Variants in NUP54 observed in about 807,000 individuals in gnomAD.
NUP54 encodes the protein nucleoporin p54.
A neutral mutation model predicts 66.4 loss-of-function variants in NUP54; 27 were observed. That is an observed-to-expected ratio of 0.41 (90% CI 0.30 to 0.56). The LOEUF is 0.56. NUP54 is among the 20% of genes least tolerant of loss of function. The pLI is 0.34. For synonymous variants in NUP54, 206 were observed against 210.7 expected (o/e 0.98, Z 0.19); for missense variants, 486 against 596.3 (o/e 0.82, Z 1.93).
Position 76,125,627 on chromosome 4 carries a change from A to G in NUP54, c.1057-871T>C, listed in dbSNP as rs1453043986. Among the ~76,000 whole-genome samples, 4 of 20,076 alleles carry G rather than the reference A, an allele frequency of 2.0e-4. No homozygotes were observed. The East Asian group carries it at 0.024, about 122-fold the overall frequency. The allele number at this position is 20,076 out of a possible 152,430, so 13.2% of individuals were successfully genotyped here. On this transcript the variant is annotated intron_variant, in intron 8 of 11. Coordinates refer to ENST00000264883, the MANE Select transcript of NUP54 (RefSeq NM_017426.4). The stretch of plus-strand genomic sequence containing the variant: ...TCCAGCATGGGCAAGAGGGAGAGGG[A>G]GAGGGGGAGAGGGGGAGAGGGGGAG...
At chr4:76,132,096 C>T (rs2109884473) in intron 6 of NUP54, among the ~76,000 whole-genome samples, 1 of 151,940 alleles carries the variant, frequency 6.6e-6, no homozygotes, top group Admixed American at 6.6e-5. Context: ...CATAAATTGA[C>T]AGTAGTTACT....
chr4:76,132,641 G>A lies in NUP54; in HGVS notation c.789C>T (p.Ala263=). Residue 263 remains alanine (A), a synonymous_variant, in exon 6 of 12, where the codon GCC becomes GCT. Transcript: ENST00000264883. The part of the protein sequence containing the change: ...SRRVPATTLY[A]HFEQANIKTQ... ...TTTTTATATTGGCTTGTTCAAAATG[G>A]GCATATAGCGTTGTAGCTGGAACTC... 1 of 1,613,930 alleles carries A rather than the reference G, an allele frequency of 6.2e-7. No homozygotes were observed. The highest frequency in any genetic ancestry group is 8.5e-7 in the Non-Finnish European group (1 of 1,179,922).
chr4:76,118,024 TGCAGA>T, intron 10 of NUP54, 46 bp downstream of exon 10: 1 of 1,586,128 alleles, frequency 6.3e-7, no homozygotes, highest in Admixed American at 1.7e-5. Context: ...ACTTTTTGTC[TGCAGA>T]TCCACCTGAA....
At chr4:76,124,019 T>C (rs1730352873) in intron 9 of NUP54, among the ~76,000 whole-genome samples, 1 of 152,164 alleles carries the variant, frequency 6.6e-6, no homozygotes, top group African/African-American at 2.4e-5. Context: ...ACATTTATCT[T>C]TCTTTCTTTT....
intron 4 of NUP54, among the ~76,000 whole-genome samples, chr4:76,135,918 GCAAAC>G (rs1263771372): frequency 7.9e-5 from 12 of 152,124 alleles, no homozygotes; most frequent in Admixed American, 7.2e-4. Context: ...CAGGTGCCAG[GCAAAC>G]CATTCTCCTG....
intron 9 of NUP54, among the ~76,000 whole-genome samples, chr4:76,124,156 G>A (rs1325835548): frequency 6.6e-6 from 1 of 151,930 alleles, no homozygotes; most frequent in Non-Finnish European, 1.5e-5. Context: ...TCTGAGTACA[G>A]ATTTTGCTGT....
chr4:76,127,617 C>A (rs1039505191), intron 8 of NUP54, among the ~76,000 whole-genome samples: 9 of 151,528 alleles, frequency 5.9e-5, no homozygotes, highest in Non-Finnish European at 1.3e-4. Flanking sequence ...ATTATTTAAG[C>A]AAATTCCCAA....
At chr4:76,137,437 T>A (rs1228679677) in intron 3 of NUP54, among the ~76,000 whole-genome samples, 1 of 152,226 alleles carries the variant, frequency 6.6e-6, no homozygotes, top group East Asian at 1.9e-4. Context: ...TAGGATTTTT[T>A]AAAATAACCT....
At chr4:76,143,181 T>C (rs1731338308) in intron 3 of NUP54, among the ~76,000 whole-genome samples, 1 of 152,080 alleles carries the variant, frequency 6.6e-6, no homozygotes, top group Non-Finnish European at 1.5e-5. Flanking sequence ...ACGCCCCAGA[T>C]CTAACCCAAT....
intron 3 of NUP54, among the ~76,000 whole-genome samples, chr4:76,141,776 T>A (rs1560691652): frequency 6.6e-6 from 1 of 152,204 alleles, no homozygotes; most frequent in Non-Finnish European, 1.5e-5. Flanking sequence ...CTACAACAGT[T>A]TAGAATTGCT....
Position 76,148,347 on chromosome 4 carries a change from C to A in NUP54, c.28G>T (p.Gly10Cys). Residue 10 changes from glycine (G) to cysteine (C), a missense_variant, in exon 1 of 12, where the codon GGC becomes TGC. Physicochemically the swap from Gly to Cys is radical, Grantham distance 159. Around this residue, in one of 4 missense-constraint regions of NUP54, gnomAD observed 145 missense variants for 137.1 expected, o/e 1.06. Coordinates refer to ENST00000264883, the MANE Select transcript of NUP54 (RefSeq NM_017426.4). ...GTGGCTGCAGCGGTACCGGAGGTGC[C>A]CGAGGGAGCCCCAAAATTGAAGGCC... MAFNFGAPS[G>C]TSGTAAATAA... 6.5e-7 allele frequency: 1 copy of A among 1,547,376 alleles called. No individual in the cohort carries two copies. Among genetic ancestry groups the A allele is most frequent in the Non-Finnish European group, 8.7e-7 (1 of 1,146,890 alleles).
intron 9 of NUP54, chr4:76,118,422 G>T: frequency 2.2e-6 from 1 of 452,882 alleles, no homozygotes; most frequent in South Asian, 2.2e-5. Context: ...GTCTTGCTCT[G>T]TCTCCCAGGC....
At chr4:76,121,840 C>T (rs939669843) in intron 9 of NUP54, among the ~76,000 whole-genome samples, 3 of 152,154 alleles carry the variant, frequency 2.0e-5, no homozygotes, top group Non-Finnish European at 2.9e-5. Context: ...ACTTTTATAT[C>T]TAGCCAGCTT....
rs775109047 is a variant in NUP54 at position 76,129,966 on chromosome 4, G to GTTTTT, written c.1056+685_1056+689dup. 6.2e-3 allele frequency among the ~76,000 whole-genome samples: 351 copies of GTTTTT among 56,876 alleles called. 74 individuals are homozygous for GTTTTT. The highest frequency in any genetic ancestry group is 8.6e-3 in the Non-Finnish European group (284 of 33,178). The allele number at this position is 56,876 out of a possible 152,430, so 37.3% of individuals were successfully genotyped here. A position where few individuals can be genotyped will look rare whatever the true frequency, so the allele number is the denominator to read the frequency against. ...AATCTTTAAGTATTTAATTATGAAA[G>GTTTTT]TTTTTTTTTTTTTTTTTTTTTTTTT... On this transcript the variant is annotated intron_variant, in intron 8 of 11. Coordinates refer to ENST00000264883, the MANE Select transcript of NUP54 (RefSeq NM_017426.4).
chr4:76,132,757 CAA>C, intron 5 of NUP54, 38 bp from the exon 6 acceptor site: 1 of 1,500,662 alleles, frequency 6.7e-7, no homozygotes, highest in East Asian at 2.3e-5. Flanking sequence ...ATATGGAGCA[CAA>C]AACTCATAGC....
intron 3 of NUP54, among the ~76,000 whole-genome samples, chr4:76,139,319 C>T (rs1003966948): frequency 6.6e-6 from 1 of 152,174 alleles, no homozygotes; most frequent in South Asian, 2.1e-4. Context: ...GATAGCCTCT[C>T]AACGTGACGT....
At chr4:76,129,246 T>C (rs1028447852) in intron 8 of NUP54, among the ~76,000 whole-genome samples, 10 of 151,906 alleles carry the variant, frequency 6.6e-5, no homozygotes, top group African/African-American at 2.4e-4. Context: ...TTAGAGAAGA[T>C]TTAAAACTTA....
At chr4:76,124,389 C>T (rs975800459) in intron 9 of NUP54, among the ~76,000 whole-genome samples, 4 of 152,108 alleles carry the variant, frequency 2.6e-5, no homozygotes, top group Non-Finnish European at 4.4e-5. Context: ...GCTTCCCTTG[C>T]ACTAAGATGC....
chr4:76,115,036 C>T lies in NUP54; in HGVS notation c.*330G>A, dbSNP rs1729886069. On this transcript the variant is annotated 3_prime_UTR_variant, in exon 12 of 12. Coordinates refer to ENST00000264883, the MANE Select transcript of NUP54 (RefSeq NM_017426.4). ...CTTGGTATGGAAAGCAGAGTACAGG[C>T]TCAATGGACAATAATCATTAAACAC... 1 of 177,996 alleles carries T rather than the reference C, an allele frequency of 5.6e-6. No homozygotes were observed. Among genetic ancestry groups the T allele is most frequent in the South Asian group, 1.6e-4 (1 of 6,200 alleles). The allele number at this position is 177,996 out of a possible 1,614,324, so 11.0% of individuals were successfully genotyped here.
Sources: gnomAD v4.1 joint callset for allele counts (sites outside exome capture counted in the v4.1 genomes callset) on GRCh38, gnomAD v4.1.1 for gene constraint, gnomAD v4.1.1 regional missense constraint, MANE v1.5 for transcripts, NCBI Gene and HGNC (gene_info 2026-07-23, HGNC 2026-07-21) for gene names.